BICD1: variants seen among roughly 807,000 people sequenced by gnomAD.
The protein encoded by BICD1 is BICD cargo adaptor 1, also known as protein bicaudal D homolog 1.
BICD1 carries 35 observed loss-of-function variants against 92.5 expected under a neutral mutation model. The ratio of observed to expected loss-of-function variants is 0.38; its 90% CI spans 0.29 to 0.50. The LOEUF (loss-of-function observed/expected upper bound fraction) is 0.50. BICD1 is among the 20% of genes least tolerant of loss of function. The pLI is 0.93. For synonymous variants in BICD1, 429 were observed against 465.1 expected (o/e 0.92, Z 1.00); for missense variants, 950 against 1,189.8 (o/e 0.80, Z 2.97).
intron 4 of BICD1, among the ~76,000 whole-genome samples, chr12:32,319,145 A>C (rs1212376935): frequency 6.6e-6 from 1 of 152,128 alleles, no homozygotes; most frequent in Non-Finnish European, 1.5e-5. Flanking sequence ...TGATTTTCTC[A>C]CCTAAGTTCC....
intron 1 of BICD1, among the ~76,000 whole-genome samples, chr12:32,126,306 G>A (rs574350040): frequency 6.6e-6 from 1 of 152,144 alleles, no homozygotes; most frequent in East Asian, 1.9e-4. Flanking sequence ...TCTCACCACG[G>A]TTTGCAGACT....
chr12:32,171,684 A>G (rs1191507775), intron 1 of BICD1, among the ~76,000 whole-genome samples: 1 of 152,172 alleles, frequency 6.6e-6, no homozygotes, highest in African/African-American at 2.4e-5. Context: ...CTATAATCTC[A>G]GCACTTTGGG....
intron 8 of BICD1, among the ~76,000 whole-genome samples, chr12:32,359,073 T>C (rs1660276664): frequency 6.6e-6 from 1 of 152,218 alleles, no homozygotes. Context: ...GATGTCTCTG[T>C]GCTTTGATCA....
chr12:32,131,603 G>A (rs1311402801), intron 1 of BICD1, among the ~76,000 whole-genome samples: 1 of 152,058 alleles, frequency 6.6e-6, no homozygotes, highest in Non-Finnish European at 1.5e-5. Context: ...TAAAAATTGT[G>A]GAATGTAAAA....
At chr12:32,293,375 T>C (rs1947773079) in intron 2 of BICD1, among the ~76,000 whole-genome samples, 1 of 152,190 alleles carries the variant, frequency 6.6e-6, no homozygotes, top group Non-Finnish European at 1.5e-5. Flanking sequence ...TGGAGTGAAG[T>C]GGCCTGATCT....
intron 2 of BICD1, among the ~76,000 whole-genome samples, chr12:32,253,824 C>T (rs550128515): frequency 1.7e-3 from 227 of 131,342 alleles, no homozygotes; most frequent in African/African-American, 5.7e-3. Context: ...TAATCACTGC[C>T]GTATCCCACC....
intron 1 of BICD1, among the ~76,000 whole-genome samples, chr12:32,168,862 T>C (rs1943851543): frequency 6.6e-6 from 1 of 151,918 alleles, no homozygotes; most frequent in Non-Finnish European, 1.5e-5. Flanking sequence ...CTCGGGAGGC[T>C]GAGGCAGGAG....
intron 2 of BICD1, among the ~76,000 whole-genome samples, chr12:32,287,386 A>G (rs1947598030): frequency 6.6e-6 from 1 of 152,120 alleles, no homozygotes; most frequent in Non-Finnish European, 1.5e-5. Context: ...ACTAGATCTG[A>G]TTCTAATTGT....
chr12:32,164,311 A>G (rs1340247856), intron 1 of BICD1, among the ~76,000 whole-genome samples: 2 of 152,202 alleles, frequency 1.3e-5, no homozygotes, highest in East Asian at 3.8e-4. Context: ...TATATTTTTT[A>G]AGGAATCTTT....
At chr12:32,181,991 C>G (rs1261871089) in intron 1 of BICD1, among the ~76,000 whole-genome samples, 1 of 151,892 alleles carries the variant, frequency 6.6e-6, no homozygotes, top group Non-Finnish European at 1.5e-5. Flanking sequence ...ATTCTGTTTA[C>G]AAAGACTAAC....
chr12:32,152,572 AATTG>A (rs1943320881), intron 1 of BICD1, among the ~76,000 whole-genome samples: 1 of 152,148 alleles, frequency 6.6e-6, no homozygotes, highest in Admixed American at 6.5e-5. Flanking sequence ...GGGAGAGAGA[AATTG>A]ATTGGCCCAC....
intron 1 of BICD1, among the ~76,000 whole-genome samples, chr12:32,132,837 A>G (rs1942599980): frequency 1.3e-5 from 2 of 152,344 alleles, no homozygotes; most frequent in African/African-American, 2.4e-5. Context: ...CCTTGCAGAC[A>G]GTGGAAGAGT....
intron 1 of BICD1, among the ~76,000 whole-genome samples, chr12:32,147,840 A>G (rs542500605): frequency 2.0e-5 from 3 of 152,308 alleles, no homozygotes; most frequent in South Asian, 2.1e-4. Context: ...ATTCGTATCT[A>G]TATCTCTACT....
chr12:32,297,936 A>C (rs552479989), intron 3 of BICD1, among the ~76,000 whole-genome samples: 2 of 152,276 alleles, frequency 1.3e-5, no homozygotes, highest in Non-Finnish European at 2.9e-5. Context: ...CTGTAATCTC[A>C]GCACTTTGGG....
intron 1 of BICD1, among the ~76,000 whole-genome samples, chr12:32,171,940 T>TACACAC (rs61038844): frequency 0.012 from 1,626 of 141,024 alleles, 32 homozygotes; most frequent in African/African-American, 0.04. Context: ...TCTCAAAAAA[T>TACACAC]ACACACACAC....
chr12:32,281,298 G>A (rs1947406373), intron 2 of BICD1, among the ~76,000 whole-genome samples: 1 of 152,070 alleles, frequency 6.6e-6, no homozygotes, highest in Non-Finnish European at 1.5e-5. Flanking sequence ...GTTAAGTCTG[G>A]ATTGCCCTGG....
chr12:32,251,301 C>T (rs564307218), intron 2 of BICD1, among the ~76,000 whole-genome samples: 63 of 152,312 alleles, frequency 4.1e-4, no homozygotes, highest in Middle Eastern at 3.4e-3. Flanking sequence ...ACTACCTCAA[C>T]CTCCAGTCCC....
intron 2 of BICD1, among the ~76,000 whole-genome samples, chr12:32,262,856 A>G (rs1210982869): frequency 1.3e-5 from 2 of 152,150 alleles, no homozygotes; most frequent in Admixed American, 1.3e-4. Flanking sequence ...TAAACCACCA[A>G]ATTTAGGCTG....
intron 1 of BICD1, chr12:32,108,644 G>T (rs1941582148): frequency 1.4e-6 from 1 of 696,984 alleles, no homozygotes; most frequent in Non-Finnish European, 2.6e-6. Context: ...TGCTGTTACA[G>T]TTAAAAGATG....
Sources: allele counts gnomAD v4.1 joint callset (sites outside exome capture counted in the v4.1 genomes callset), GRCh38; gene constraint gnomAD v4.1.1; transcripts MANE v1.5; gene names NCBI Gene and HGNC (gene_info 2026-07-23, HGNC 2026-07-21).